Variants in PARN observed in about 807,000 individuals in gnomAD.
PARN encodes poly(A)-specific ribonuclease PARN.
Under a neutral mutation model 102.8 loss-of-function variants are expected in PARN, and 71 were observed. The observed-to-expected ratio is 0.69, with a 90% CI of 0.57 to 0.84. PARN has a LOEUF of 0.84. Among genes scored for constraint, PARN ranks in the 40% least tolerant of loss-of-function variants. The pLI, the probability that PARN is intolerant of heterozygous loss-of-function variation, is 0.00. For synonymous variants in PARN, 261 were observed against 252.9 expected, an observed-to-expected ratio of 1.03 and a Z score of -0.30; for missense variants, 782 against 760.9, an observed-to-expected ratio of 1.03 and a Z score of -0.33.
At chr16:14,445,512 C>G (rs1275284578) in intron 23 of PARN, among the ~76,000 whole-genome samples, 1 of 152,186 alleles carries the variant, frequency 6.6e-6, no homozygotes, top group Non-Finnish European at 1.5e-5. Flanking sequence ...ATAATTGTGT[C>G]TGGGTCAGTG....
intron 22 of PARN, among the ~76,000 whole-genome samples, chr16:14,471,629 G>T (rs933435050): frequency 2.6e-5 from 4 of 152,102 alleles, no homozygotes; most frequent in African/African-American, 4.8e-5. Flanking sequence ...ATCTCCTGTA[G>T]TACTGAATCA....
chr16:14,547,725 A>T (rs747561603), intron 21 of PARN, among the ~76,000 whole-genome samples: 7 of 152,124 alleles, frequency 4.6e-5, no homozygotes, highest in Non-Finnish European at 8.8e-5. Flanking sequence ...AAAAGTCAAA[A>T]ATGGCTTTAA....
chr16:14,541,439 T>C (rs553964323), intron 21 of PARN, among the ~76,000 whole-genome samples: 90 of 152,318 alleles, frequency 5.9e-4, no homozygotes, highest in Non-Finnish European at 7.3e-5. Flanking sequence ...AGTTTGAGTC[T>C]AACAAAGTTA....
At chr16:14,472,090 CT>C (rs1052993542) in intron 22 of PARN, among the ~76,000 whole-genome samples, 2 of 152,192 alleles carry the variant, frequency 1.3e-5, no homozygotes, top group African/African-American at 4.8e-5. Flanking sequence ...AGGAGACAAA[CT>C]ACATTCATTC....
At chr16:14,542,621 ACT>A (rs576295342) in intron 21 of PARN, among the ~76,000 whole-genome samples, 13 of 152,200 alleles carry the variant, frequency 8.5e-5, no homozygotes, top group Admixed American at 7.8e-4. Context: ...AATAAAAGAA[ACT>A]CTCTACAGAG....
chr16:14,465,349 C>G (rs1962266533), intron 22 of PARN, among the ~76,000 whole-genome samples: 1 of 152,200 alleles, frequency 6.6e-6, no homozygotes, highest in Non-Finnish European at 1.5e-5. Flanking sequence ...TCCCAAAGTG[C>G]TGGGATTACA....
At chr16:14,618,449 C>T (rs1972067331) in intron 5 of PARN, among the ~76,000 whole-genome samples, 2 of 150,102 alleles carry the variant, frequency 1.3e-5, no homozygotes, top group South Asian at 2.1e-4. Context: ...GATCATGCCA[C>T]TGCCACTGCA....
chr16:14,441,520 T>C (rs1242421009), intron 23 of PARN, among the ~76,000 whole-genome samples: 1 of 152,224 alleles, frequency 6.6e-6, no homozygotes, highest in African/African-American at 2.4e-5. Flanking sequence ...TTTGGGAAGC[T>C]GCACTCAAGT....
chr16:14,461,573 C>T lies in PARN; in HGVS notation c.1671-14492G>A, dbSNP rs1961977443. On this transcript the variant is annotated intron_variant, in intron 22 of 23. Transcript: ENST00000437198. ...TTACTTCTTCTGGGACATCTTCATC[C>T]TTTTTGTCACAACCACTTTCCTCAT... 2.0e-5 allele frequency among the ~76,000 whole-genome samples: 3 copies of T among 152,280 alleles called. No homozygotes were observed. In the South Asian group the frequency reaches 6.2e-4, roughly 32 times the overall value.
At chr16:14,443,670 G>A (rs1301851050) in intron 23 of PARN, among the ~76,000 whole-genome samples, 3 of 152,174 alleles carry the variant, frequency 2.0e-5, no homozygotes, top group Non-Finnish European at 1.5e-5. Context: ...GTTTTGTGTG[G>A]TATTTGTTGA....
At chr16:14,509,698 A>G (rs1453188372) in intron 21 of PARN, among the ~76,000 whole-genome samples, 1 of 152,200 alleles carries the variant, frequency 6.6e-6, no homozygotes, top group Non-Finnish European at 1.5e-5. Flanking sequence ...TTATTTACAT[A>G]TTAACTGCAC....
At chr16:14,627,420 G>C in intron 3 of PARN, 84 bp from the exon 4 acceptor site, 1 of 894,720 alleles carries the variant, frequency 1.1e-6, no homozygotes, top group Non-Finnish European at 1.8e-6. Flanking sequence ...TGGGCTTTCT[G>C]AATTACTCAA....
At chr16:14,539,381 C>T (rs1567362396) in intron 21 of PARN, among the ~76,000 whole-genome samples, 1 of 152,240 alleles carries the variant, frequency 6.6e-6, no homozygotes, top group Non-Finnish European at 1.5e-5. Context: ...GAATCCTTCT[C>T]TGGCACTCAG....
At chr16:14,584,637 T>C (rs1969733736) in intron 15 of PARN, 112 bp downstream of exon 15, 2 of 819,444 alleles carry the variant, frequency 2.4e-6, no homozygotes. Context: ...AATAAAGATC[T>C]TTACAGATGC....
At chr16:14,493,992 C>T (rs984814202) in intron 21 of PARN, among the ~76,000 whole-genome samples, 1 of 152,178 alleles carries the variant, frequency 6.6e-6, no homozygotes, top group African/African-American at 2.4e-5. Flanking sequence ...GACCCTCGAA[C>T]AATCTGTGTT....
At chr16:14,492,770 C>A (rs1964127122) in intron 21 of PARN, among the ~76,000 whole-genome samples, 1 of 152,182 alleles carries the variant, frequency 6.6e-6, no homozygotes, top group African/African-American at 2.4e-5. Flanking sequence ...TTAAAACCTA[C>A]CCAAACGGAA....
intron 11 of PARN, among the ~76,000 whole-genome samples, chr16:14,603,739 T>G (rs1166979807): frequency 6.6e-6 from 1 of 152,182 alleles, no homozygotes; most frequent in East Asian, 1.9e-4. Context: ...GCAAGCAGGG[T>G]GATGTTCCAA....
At chr16:14,450,080 G>C (rs981354193) in intron 22 of PARN, among the ~76,000 whole-genome samples, 2 of 152,166 alleles carry the variant, frequency 1.3e-5, no homozygotes, top group African/African-American at 4.8e-5. Flanking sequence ...ATAAAAAACT[G>C]GTTGAATACG....
intron 6 of PARN, among the ~76,000 whole-genome samples, chr16:14,613,160 T>C (rs1022706139): frequency 2.0e-5 from 3 of 151,338 alleles, no homozygotes; most frequent in African/African-American, 2.4e-5. Context: ...AAATACAAAA[T>C]TAGCCGGGCG....
Sources: gnomAD v4.1 joint callset for allele counts (sites outside exome capture counted in the v4.1 genomes callset) on GRCh38, gnomAD v4.1.1 for gene constraint, MANE v1.5 for transcripts, NCBI Gene and HGNC (gene_info 2026-07-23, HGNC 2026-07-21) for gene names.